Variants in CELF4 observed in about 807,000 individuals in gnomAD.
CELF4 encodes the protein CUG-BP- and ETR-3-like factor 4.
In CELF4, 18 loss-of-function variants were observed where a neutral mutation model predicts 59.9. The ratio of observed to expected loss-of-function variants is 0.30; its 90% confidence interval spans 0.21 to 0.45. The LOEUF is 0.45. Ranked by LOEUF, CELF4 falls within the 20% of genes least tolerant of loss-of-function variation. The pLI is 1.00. For synonymous variants in CELF4, 261 were observed against 267.1 expected (o/e 0.98, Z 0.22); for missense variants, 456 against 689.0 (o/e 0.66, Z 3.79).
intron 2 of CELF4, among the ~76,000 whole-genome samples, chr18:37,348,488 C>T (rs980507388): frequency 2.6e-5 from 4 of 152,296 alleles, no homozygotes; most frequent in African/African-American, 9.6e-5. Flanking sequence ...CACAACCCTG[C>T]TTCTCTATGA....
At chr18:37,310,916 A>G (rs190591721) in intron 3 of CELF4, among the ~76,000 whole-genome samples, 52 of 152,250 alleles carry the variant, frequency 3.4e-4, no homozygotes, top group African/African-American at 1.2e-3. Flanking sequence ...GCCGGGCCAG[A>G]CGGTAGTGAC....
At chr18:37,326,962 G>T (rs2097339101) in intron 2 of CELF4, among the ~76,000 whole-genome samples, 1 of 152,290 alleles carries the variant, frequency 6.6e-6, no homozygotes, top group South Asian at 2.1e-4. Flanking sequence ...TGAAAACTGG[G>T]CATTAAAATT....
chr18:37,263,340 G>A (rs2075848215), intron 10 of CELF4, among the ~76,000 whole-genome samples: 1 of 152,166 alleles, frequency 6.6e-6, no homozygotes, highest in Non-Finnish European at 1.5e-5. Context: ...GTCAAATGAT[G>A]TTGGACCAGC....
intron 1 of CELF4, among the ~76,000 whole-genome samples, chr18:37,548,780 C>T (rs1201184839): frequency 2.0e-5 from 3 of 152,202 alleles, no homozygotes; most frequent in African/African-American, 4.8e-5. Context: ...GACACTGGTC[C>T]GTGCGGGAGC....
At chr18:37,489,227 C>G (rs2099891285) in intron 1 of CELF4, among the ~76,000 whole-genome samples, 1 of 152,254 alleles carries the variant, frequency 6.6e-6, no homozygotes, top group Non-Finnish European at 1.5e-5. Context: ...TATCTTAAGG[C>G]TCTTTGAGAA....
At chr18:37,537,754 T>A (rs1378130805) in intron 1 of CELF4, among the ~76,000 whole-genome samples, 1 of 152,246 alleles carries the variant, frequency 6.6e-6, no homozygotes, top group Non-Finnish European at 1.5e-5. Flanking sequence ...TCATTTTATG[T>A]CCGCCAGACA....
At chr18:37,392,666 A>G (rs892548049) in intron 2 of CELF4, among the ~76,000 whole-genome samples, 11 of 152,210 alleles carry the variant, frequency 7.2e-5, no homozygotes. Flanking sequence ...TGGTCCCCAA[A>G]GCATTGGACC....
At chr18:37,433,995 A>C (rs1043804378) in intron 2 of CELF4, among the ~76,000 whole-genome samples, 2 of 152,200 alleles carry the variant, frequency 1.3e-5, no homozygotes, top group African/African-American at 2.4e-5. Context: ...GTTTTTAAAC[A>C]GAGAAATCTT....
At chr18:37,524,245 G>A (rs556310767) in intron 1 of CELF4, among the ~76,000 whole-genome samples, 13 of 152,240 alleles carry the variant, frequency 8.5e-5, no homozygotes, top group Non-Finnish European at 1.9e-4. Context: ...AGGCAGGGAA[G>A]CCAGTCAGGC....
intron 12 of CELF4, among the ~76,000 whole-genome samples, chr18:37,248,760 T>G (rs1391944089): frequency 1.3e-5 from 2 of 152,222 alleles, no homozygotes; most frequent in African/African-American, 4.8e-5. Context: ...AGTCCTCTGC[T>G]GCACCTGGGC....
intron 2 of CELF4, among the ~76,000 whole-genome samples, chr18:37,430,788 G>A (rs916735906): frequency 6.6e-6 from 1 of 152,210 alleles, no homozygotes; most frequent in Non-Finnish European, 1.5e-5. Context: ...GTCTCCCAGG[G>A]CTGAGCAAAG....
In CELF4 at chr18:37,243,280, CAGAA is replaced by C. The variant is rs1200313340; in HGVS notation, c.*1958_*1961del. On this transcript the variant is annotated 3_prime_UTR_variant, in exon 13 of 13. Coordinates refer to ENST00000420428, the MANE Select transcript of CELF4 (RefSeq NM_020180.4). Reference sequence around the variant, plus strand: ...AAAACAACAACAACAACAAAATTGACAGAAAGAAAGGAAAGGCAGGAGGCCCTAG... The same window carrying C: ...AAAACAACAACAACAACAAAATTGACAGAAAGGAAAGGCAGGAGGCCCTAG... 3.9e-5 allele frequency: 5 copies of C among 127,878 alleles called. No individual in the cohort carries two copies. The highest frequency in any genetic ancestry group is 8.0e-5 in the Non-Finnish European group (5 of 62,332). The allele number at this position is 127,878 out of a possible 1,614,324, so 7.9% of individuals were successfully genotyped here. A position where few individuals can be genotyped will look rare whatever the true frequency, so the allele number is the denominator to read the frequency against.
chr18:37,466,383 G>T (rs1305797477), intron 2 of CELF4, among the ~76,000 whole-genome samples: 2 of 148,226 alleles, frequency 1.3e-5, no homozygotes, highest in African/African-American at 4.9e-5. Flanking sequence ...AGGAAAAATG[G>T]AACTGTGGTA....
At chr18:37,506,329 C>CA (rs113211051) in intron 1 of CELF4, among the ~76,000 whole-genome samples, 2,603 of 152,200 alleles carry the variant, frequency 0.017, 91 homozygotes, top group African/African-American at 0.059. Context: ...CACAGCCGAC[C>CA]AAAAAATCCC....
rs1340162030 is a variant in CELF4, at chr18:37,339,819, T to C, written c.370-17938A>G. ...TTTCTCGTGTGTAGACGCATGGTCA[T>C]GCCCCTGCCAATGAATGAACACATA... On this transcript the variant is annotated intron_variant, in intron 2 of 12. Coordinates refer to ENST00000420428, the MANE Select transcript of CELF4 (RefSeq NM_020180.4). Among the ~76,000 whole-genome samples, 4 of 150,254 alleles carry C rather than the reference T, an allele frequency of 2.7e-5. 1 individual carries two copies. Among genetic ancestry groups the C allele is most frequent in the African/African-American group, 9.8e-5 (4 of 40,772 alleles).
At chr18:37,337,992 GTCA>G (rs1413486447) in intron 2 of CELF4, among the ~76,000 whole-genome samples, 3 of 148,122 alleles carry the variant, frequency 2.0e-5, no homozygotes, top group South Asian at 2.2e-4. Flanking sequence ...TGTCACCATT[GTCA>G]TCACTACTGT....
At chr18:37,364,404 A>G (rs1370085275) in intron 2 of CELF4, among the ~76,000 whole-genome samples, 2 of 152,176 alleles carry the variant, frequency 1.3e-5, no homozygotes, top group Non-Finnish European at 2.9e-5. Context: ...GGGCTCTAGA[A>G]CACATGCTGG....
At chr18:37,478,298 G>A (rs2099856306) in intron 2 of CELF4, among the ~76,000 whole-genome samples, 1 of 152,216 alleles carries the variant, frequency 6.6e-6, no homozygotes, top group Non-Finnish European at 1.5e-5. Flanking sequence ...CTTGTTGGTG[G>A]CAGGCTGGAC....
intron 2 of CELF4, among the ~76,000 whole-genome samples, chr18:37,427,907 A>G (rs985284624): frequency 1.3e-5 from 2 of 152,190 alleles, no homozygotes; most frequent in Non-Finnish European, 2.9e-5. Context: ...GTCCCCAAAT[A>G]TATGCACAAC....
Sources: gnomAD v4.1 joint callset for allele counts (sites outside exome capture counted in the v4.1 genomes callset) on GRCh38, gnomAD v4.1.1 for gene constraint, MANE v1.5 for transcripts, NCBI Gene and HGNC (gene_info 2026-07-23, HGNC 2026-07-21) for gene names.